The following KRABD1 variants were observed in gnomAD, a reference collection of about 807,000 sequenced individuals.
KRABD1 encodes KRAB domain containing 1.
At chr3:42,939,742 T>C in the KRABD1 span, among the ~76,000 whole-genome samples, 1 of 152,188 alleles carries the variant, frequency 6.6e-6, no homozygotes, top group Non-Finnish European at 1.5e-5. Context: ...AGTATCTCAT[T>C]GGGGTTTAAA....
chr3:42,937,413 G>A, the KRABD1 span: 34 of 152,226 alleles, frequency 2.2e-4, no homozygotes, highest in Admixed American at 2.2e-3. Flanking sequence ...ATTGTCAGCT[G>A]TGCAGATCAG....
the KRABD1 span, chr3:42,942,002 G>A: frequency 7.8e-6 from 12 of 1,536,040 alleles, no homozygotes; most frequent in Non-Finnish European, 1.0e-5. Context: ...TCTGGAGCAA[G>A]GGAAAGAGTC....
At chr3:42,937,128 C>T in the KRABD1 span, 1 of 152,162 alleles carries the variant, frequency 6.6e-6, no homozygotes, top group Non-Finnish European at 1.5e-5. Flanking sequence ...ATTTCTTGAC[C>T]TCTTAACATT....
the KRABD1 span, chr3:42,942,573 A>G: frequency 7.0e-7 from 1 of 1,423,422 alleles, no homozygotes; most frequent in Non-Finnish European, 9.3e-7. Flanking sequence ...TTACTTAGCT[A>G]AAGCAGTGTT....
chr3:42,940,616 C>T, the KRABD1 span, among the ~76,000 whole-genome samples: 1 of 152,120 alleles, frequency 6.6e-6, no homozygotes, highest in African/African-American at 2.4e-5. Context: ...GCCTTATGCA[C>T]CAAGTTGGTC....
the KRABD1 span, chr3:42,936,408 C>A: frequency 6.6e-6 from 1 of 152,210 alleles, no homozygotes; most frequent in African/African-American, 2.4e-5. Context: ...GAGTGGCGCC[C>A]ACCATCTCTG....
chr3:42,941,260 T>C, the KRABD1 span: 2 of 1,580,680 alleles, frequency 1.3e-6, no homozygotes, highest in East Asian at 4.5e-5. Context: ...GCTGTGTACT[T>C]CACTACGAAG....
At chr3:42,938,997 C>A in the KRABD1 span, 3 of 1,186,366 alleles carry the variant, frequency 2.5e-6, no homozygotes, top group African/African-American at 1.5e-5. Flanking sequence ...TTATTAGATA[C>A]ATACATAAAA....
chr3:42,939,471 G>T, the KRABD1 span, among the ~76,000 whole-genome samples: 3 of 152,088 alleles, frequency 2.0e-5, no homozygotes, highest in Non-Finnish European at 4.4e-5. Context: ...TTCTATTGTG[G>T]ATGGACTTTT....
chr3:42,942,610 G>A, the KRABD1 span: 31 of 1,438,024 alleles, frequency 2.2e-5, no homozygotes, highest in East Asian at 3.4e-4. Flanking sequence ...AAAATTTTTC[G>A]AAATCGTCAA....
At chr3:42,941,081 A>G in the KRABD1 span, 1 of 618,476 alleles carries the variant, frequency 1.6e-6, no homozygotes, top group Non-Finnish European at 2.5e-6. Flanking sequence ...CCACACCTAA[A>G]TTTTACACAA....
chr3:42,938,835 T>C, the KRABD1 span: 3 of 1,256,678 alleles, frequency 2.4e-6, no homozygotes, highest in African/African-American at 1.5e-5. Flanking sequence ...TAATGTTTTT[T>C]TTCTTTACCT....
chr3:42,937,735 G>A, the KRABD1 span: 2 of 152,106 alleles, frequency 1.3e-5, no homozygotes, highest in African/African-American at 4.8e-5. Context: ...CTTTTCTGGC[G>A]TCTCCTGACA....
the KRABD1 span, chr3:42,941,126 A>G: frequency 8.6e-7 from 1 of 1,164,558 alleles, no homozygotes; most frequent in Non-Finnish European, 1.2e-6. Flanking sequence ...CCAATACTGA[A>G]TACGTATCAT....
At chr3:42,939,155 A>ATGTT in the KRABD1 span, among the ~76,000 whole-genome samples, 1 of 152,072 alleles carries the variant, frequency 6.6e-6, no homozygotes, top group South Asian at 2.1e-4. Context: ...CACTTGTATG[A>ATGTT]CCTCACTCAT....
the KRABD1 span, chr3:42,936,871 C>T: frequency 6.6e-6 from 1 of 152,216 alleles, no homozygotes; most frequent in East Asian, 1.9e-4. Context: ...CAGTTATTTT[C>T]GCCTGCCATA....
chr3:42,941,324 G>A, the KRABD1 span: 1 of 1,599,800 alleles, frequency 6.3e-7, no homozygotes, highest in Non-Finnish European at 8.5e-7. Flanking sequence ...ATGTGATGCT[G>A]GAGAACTATG....
At chr3:42,938,241 A>G in the KRABD1 span, 19 of 152,168 alleles carry the variant, frequency 1.2e-4, no homozygotes, top group Admixed American at 1.2e-3. Context: ...CTCATCACCC[A>G]CTCCAAACAC....
At chr3:42,942,207 G>T in the KRABD1 span, 5 of 669,368 alleles carry the variant, frequency 7.5e-6, no homozygotes, top group East Asian at 2.7e-5. Flanking sequence ...TTTCTGACCG[G>T]TGTGTTATTC....
Sources: allele counts gnomAD v4.1 joint callset (sites outside exome capture counted in the v4.1 genomes callset), GRCh38; gene constraint gnomAD v4.1.1; transcripts MANE v1.5; gene names NCBI Gene and HGNC (gene_info 2026-07-23, HGNC 2026-07-21).